The following GLYATL2 variants were observed in gnomAD, a reference collection of about 807,000 sequenced individuals.
GLYATL2 encodes glycine-N-acyltransferase like 2.
Under a neutral mutation model 21.4 loss-of-function variants are expected in GLYATL2, and 25 were observed. The ratio of observed to expected loss-of-function variants is 1.17; its 90% CI spans 0.85 to 1.63. GLYATL2 has a LOEUF of 1.63. GLYATL2 is among the 40% of genes most tolerant of loss of function. GLYATL2 has a pLI of 0.00. For missense variants in GLYATL2, 361 were observed against 343.3 expected, an observed-to-expected ratio of 1.05 and a Z score of -0.41; for synonymous variants, 114 against 118.2, an observed-to-expected ratio of 0.96 and a Z score of 0.23.
At chr11:58,904,859 A>T (rs1302594661), upstream of GLYATL2, among the ~76,000 whole-genome samples, 1 of 152,154 alleles carries the variant, frequency 6.6e-6, no homozygotes, top group East Asian at 1.9e-4. Flanking sequence ...TTACAAAATA[A>T]TTTTCACCAT....
At chr11:58,856,233 C>T (rs561633621) in intron 1 of GLYATL2, among the ~76,000 whole-genome samples, 57 of 152,290 alleles carry the variant, frequency 3.7e-4, no homozygotes, top group African/African-American at 1.3e-3. Flanking sequence ...CCTCACCTCT[C>T]TTAGTTATTT....
At chr11:58,880,943 T>C (rs1003574631) in intron 1 of GLYATL2, among the ~76,000 whole-genome samples, 2 of 152,204 alleles carry the variant, frequency 1.3e-5, no homozygotes, top group African/African-American at 4.8e-5. Flanking sequence ...AGATAAAAAA[T>C]TTCAAACATC....
intron 1 of GLYATL2, among the ~76,000 whole-genome samples, chr11:58,865,272 A>G (rs1854004550): frequency 6.7e-6 from 1 of 149,140 alleles, no homozygotes; most frequent in African/African-American, 2.4e-5. Context: ...GATGATAAGT[A>G]TAATAAGAGA....
chr11:58,905,529 GA>G (rs1031672723), upstream of GLYATL2: 1 of 456,256 alleles, frequency 2.2e-6, no homozygotes, highest in African/African-American at 2.0e-5. Context: ...TCAAAAGGCG[GA>G]AAAAGCGCGA....
At chr11:58,836,932 A>G in intron 5 of GLYATL2, 83 bp downstream of exon 5, 2 of 1,267,634 alleles carry the variant, frequency 1.6e-6, no homozygotes, top group Non-Finnish European at 2.2e-6. Flanking sequence ...ATTTAGTCTC[A>G]AATCCTACAT....
chr11:58,849,213 A>G (rs551232187), upstream of GLYATL2, among the ~76,000 whole-genome samples: 35 of 152,358 alleles, frequency 2.3e-4, no homozygotes, highest in African/African-American at 7.9e-4. Flanking sequence ...GAAAGAAAGG[A>G]ACATTAGTGA....
At chr11:58,838,474 T>C (rs1590713381) in intron 2 of GLYATL2, 106 bp from the exon 3 acceptor site, 3 of 660,500 alleles carry the variant, frequency 4.5e-6, no homozygotes, top group South Asian at 1.9e-5. Flanking sequence ...ACAAGAAGTA[T>C]AGGAGGACTT....
At chr11:58,876,394 C>T (rs1854233331) in intron 1 of GLYATL2, among the ~76,000 whole-genome samples, 1 of 152,140 alleles carries the variant, frequency 6.6e-6, no homozygotes, top group Non-Finnish European at 1.5e-5. Context: ...AGTTTTTCTG[C>T]TCTGTTTTTC....
At chr11:58,894,413 C>G (rs931456304) in intron 1 of GLYATL2, among the ~76,000 whole-genome samples, 1 of 145,850 alleles carries the variant, frequency 6.9e-6, no homozygotes, top group Non-Finnish European at 1.5e-5. Context: ...ATGTGGCTTC[C>G]TTTGGCTCTG....
At chr11:58,871,408 A>G (rs992630406) in intron 1 of GLYATL2, among the ~76,000 whole-genome samples, 12 of 150,982 alleles carry the variant, frequency 7.9e-5, no homozygotes, top group Non-Finnish European at 1.6e-4. Context: ...AGCATTAGGT[A>G]TATCACCTAG....
At chr11:58,905,083 C>A (rs992784562), upstream of GLYATL2, among the ~76,000 whole-genome samples, 8 of 152,228 alleles carry the variant, frequency 5.3e-5, no homozygotes, top group South Asian at 2.1e-4. Flanking sequence ...GGGTAAAGTT[C>A]CACACCCAGT....
chr11:58,869,753 G>C (rs1325532989), intron 1 of GLYATL2, among the ~76,000 whole-genome samples: 2 of 152,168 alleles, frequency 1.3e-5, no homozygotes, highest in Non-Finnish European at 2.9e-5. Flanking sequence ...TAGCAAGATA[G>C]CATTAAAATT....
At chr11:58,883,311 A>C (rs757065788) in intron 1 of GLYATL2, among the ~76,000 whole-genome samples, 1 of 152,216 alleles carries the variant, frequency 6.6e-6, no homozygotes, top group Admixed American at 6.5e-5. Context: ...CAAAATTGAT[A>C]GACCAATAGC....
Position 58,840,065 on chromosome 11 carries a change from A to G in GLYATL2, c.-40-413T>C, listed in dbSNP as rs190822050. Among the ~76,000 whole-genome samples, 116 of 152,186 alleles carry G rather than the reference A, an allele frequency of 7.6e-4. 2 individuals carry two copies. In the East Asian group the frequency reaches 0.021, roughly 28 times the overall value. ...ACACTTGCTCTAATGTTCCCATAGC[A>G]TGGGTACTATTTTCAGCTATCAAGA... On this transcript the variant is annotated intron_variant, in intron 1 of 5. Transcript: ENST00000287275.
At chr11:58,899,200 C>T (rs978679619) in intron 1 of GLYATL2, among the ~76,000 whole-genome samples, 4 of 152,092 alleles carry the variant, frequency 2.6e-5, no homozygotes, top group Admixed American at 2.6e-4. Flanking sequence ...TAATAGGGTT[C>T]AACCCAACTT....
Position 58,837,002 on chromosome 11 carries a change from G to T in GLYATL2, c.476+13C>A. 6.2e-7 allele frequency: 1 copy of T among 1,608,152 alleles called. No homozygotes were observed. Among genetic ancestry groups the T allele is most frequent in the Non-Finnish European group, 8.5e-7 (1 of 1,177,422 alleles). ...CTATCAAGGAATTTGGGAAGCAAAA[G>T]GTAAAATCTCACTTGTTATCATCAT... On this transcript the variant is annotated intron_variant, in intron 5 of 5. Transcript: ENST00000287275.
In GLYATL2 at chr11:58,867,015, A is replaced by G. The variant is rs538897760; in HGVS notation, n.61-28647T>C. On this transcript the variant is annotated intron_variant and non_coding_transcript_variant, in intron 1 of 4. Transcript: ENST00000533636. ...GATATTGATATGAAAGAAGCAGCCC[A>G]GAGGCCCTTGACACATTGTGAGAGT... Among the ~76,000 whole-genome samples, 32 of 149,022 alleles carry G rather than the reference A, an allele frequency of 2.1e-4. 1 individual carries two copies. Among genetic ancestry groups the G allele is most frequent in the African/African-American group, 7.5e-4 (31 of 41,352 alleles).
intron 1 of GLYATL2, among the ~76,000 whole-genome samples, chr11:58,874,652 A>G (rs1340608068): frequency 3.3e-5 from 5 of 152,048 alleles, no homozygotes; most frequent in Admixed American, 6.6e-5. Context: ...TGGTCTGAGA[A>G]ACAGTTTGTT....
chr11:58,879,880 A>AC (rs1678152603), intron 1 of GLYATL2, among the ~76,000 whole-genome samples: 1 of 146,724 alleles, frequency 6.8e-6, no homozygotes, highest in Admixed American at 6.8e-5. Flanking sequence ...TTCTTTGGAG[A>AC]CAGAGTCTTG....
Sources: gnomAD v4.1 joint callset for allele counts (sites outside exome capture counted in the v4.1 genomes callset) on GRCh38, gnomAD v4.1.1 for gene constraint, MANE v1.5 for transcripts, NCBI Gene and HGNC (gene_info 2026-07-23, HGNC 2026-07-21) for gene names.